The following RYR2 variants were observed in gnomAD, a reference collection of about 807,000 sequenced individuals.
The protein encoded by RYR2 is cardiac muscle ryanodine receptor-calcium release channel.
In RYR2, 227 loss-of-function variants were observed where a neutral mutation model predicts 601.1. That is an observed-to-expected ratio of 0.38 (90% CI 0.34 to 0.42). RYR2 has a LOEUF of 0.42. Among genes scored for constraint, RYR2 ranks in the 10% least tolerant of loss-of-function variants. RYR2 has a pLI of 1.00. For missense variants in RYR2, 4,646 were observed against 6,156.5 expected (o/e 0.75, Z 8.21); for synonymous variants, 2,223 against 2,175.1 (o/e 1.02, Z -0.61).
intron 58 of RYR2, among the ~76,000 whole-genome samples, chr1:237,670,987 A>T (rs1307641358): frequency 6.6e-6 from 1 of 152,182 alleles, no homozygotes; most frequent in South Asian, 2.1e-4. Flanking sequence ...AGCCAGATCG[A>T]TATTTTCTTT....
chr1:237,062,615 T>C (rs1483669505), intron 1 of RYR2, among the ~76,000 whole-genome samples: 3 of 152,220 alleles, frequency 2.0e-5, no homozygotes, highest in Non-Finnish European at 2.9e-5. Context: ...TAATAGTTTA[T>C]AGATTCTTTT....
At position 237,718,528 on chromosome 1, in the gene RYR2, C is replaced by T. The variant is rs375143208; in HGVS notation, c.10554+7C>T. On this transcript the variant is annotated splice_region_variant and intron_variant, in intron 73 of 104. Coordinates refer to ENST00000366574, the MANE Select transcript of RYR2 (RefSeq NM_001035.3). ...TATTCATTTACAAGGCAAGGTAAGC[C>T]AAATTTTATTCTTAAGCCACATTTA... The T allele has an allele frequency of 1.9e-6, 3 of 1,551,592 alleles. No individual in the cohort carries two copies. The highest frequency in any genetic ancestry group is 1.8e-6 in the Non-Finnish European group (2 of 1,124,694).
At chr1:237,795,836 GTATA>G (rs1553329286) in intron 96 of RYR2, among the ~76,000 whole-genome samples, 9 of 132,670 alleles carry the variant, frequency 6.8e-5, no homozygotes, top group African/African-American at 2.6e-4. Context: ...GTGTGTGTGT[GTATA>G]TATATATATG....
intron 1 of RYR2, among the ~76,000 whole-genome samples, chr1:237,184,877 GTT>G (rs397974914): frequency 7.0e-6 from 1 of 142,520 alleles, no homozygotes; most frequent in Non-Finnish European, 1.5e-5. Context: ...TGTGAAGAGG[GTT>G]TTTTTTTTTT....
chr1:237,282,210 A>G (rs1048896730), intron 2 of RYR2, among the ~76,000 whole-genome samples: 1 of 150,918 alleles, frequency 6.6e-6, no homozygotes, highest in Non-Finnish European at 1.5e-5. Flanking sequence ...TTCTGTATAG[A>G]GCCAGATGGG....
intron 48 of RYR2, among the ~76,000 whole-genome samples, chr1:237,647,478 A>G (rs910161142): frequency 2.6e-5 from 4 of 152,250 alleles, no homozygotes; most frequent in African/African-American, 9.6e-5. Context: ...GAATACTACC[A>G]GGCATTATCC....
chr1:237,368,781 C>G (rs1700399467), intron 5 of RYR2, among the ~76,000 whole-genome samples: 1 of 151,632 alleles, frequency 6.6e-6, no homozygotes, highest in Non-Finnish European at 1.5e-5. Flanking sequence ...TCTAGGAATA[C>G]TCATTCGTTG....
At chr1:237,743,073 TG>T (rs1336402036) in intron 80 of RYR2, among the ~76,000 whole-genome samples, 6 of 152,234 alleles carry the variant, frequency 3.9e-5, no homozygotes, top group African/African-American at 9.6e-5. Context: ...TGTTTTGTTT[TG>T]TTTTTTTAGA....
chr1:237,459,431 A>G (rs993422357), intron 16 of RYR2, among the ~76,000 whole-genome samples: 1 of 152,202 alleles, frequency 6.6e-6, no homozygotes, highest in Admixed American at 6.5e-5. Context: ...GAAGAATTTC[A>G]TGTATGAATG....
At chr1:237,687,401 TTCTACCTTCCCTTCCCCC>T in intron 62 of RYR2, 36 bp from the exon 63 acceptor site, 2 of 962,852 alleles carry the variant, frequency 2.1e-6, no homozygotes, top group East Asian at 2.6e-5. Context: ...CCCCTGTCTT[TTCTACCTTCCCTTCCCCC>T]TTCCCTTTTC....
At chr1:237,200,402 T>C (rs1297079033) in intron 1 of RYR2, among the ~76,000 whole-genome samples, 3 of 151,990 alleles carry the variant, frequency 2.0e-5, no homozygotes, top group Admixed American at 2.0e-4. Context: ...GTAGCTGGGA[T>C]TACAGGCGCC....
intron 23 of RYR2, among the ~76,000 whole-genome samples, 181 bp downstream of exon 23, chr1:237,506,995 A>G (rs563648426): frequency 1.3e-5 from 2 of 152,314 alleles, no homozygotes; most frequent in Non-Finnish European, 2.9e-5. Flanking sequence ...AATGGGGCTG[A>G]CAGGCATTAT....
intron 62 of RYR2, among the ~76,000 whole-genome samples, chr1:237,686,684 C>A (rs749754233): frequency 2.0e-5 from 3 of 152,070 alleles, no homozygotes; most frequent in Admixed American, 6.5e-5. Context: ...TGGATACCAG[C>A]GTTGTCAGGC....
chr1:237,291,600 A>AC, intron 2 of RYR2, among the ~76,000 whole-genome samples: 1 of 152,308 alleles, frequency 6.6e-6, no homozygotes, highest in East Asian at 1.9e-4. Flanking sequence ...TTATTCAGTG[A>AC]TAAAAAGAAA....
At chr1:237,760,208 T>G in intron 83 of RYR2, among the ~76,000 whole-genome samples, 1 of 148,442 alleles carries the variant, frequency 6.7e-6, no homozygotes. Context: ...AAAAAAAAGC[T>G]AGGCATGGTG....
chr1:237,232,463 T>C (rs1291673053), intron 1 of RYR2, among the ~76,000 whole-genome samples: 1 of 152,210 alleles, frequency 6.6e-6, no homozygotes, highest in Non-Finnish European at 1.5e-5. Context: ...TGGTACCTCC[T>C]TGTACCTTCC....
intron 80 of RYR2, among the ~76,000 whole-genome samples, chr1:237,743,059 T>G (rs894294457): frequency 6.6e-6 from 1 of 152,188 alleles, no homozygotes; most frequent in Admixed American, 6.5e-5. Context: ...ATTGGCTCTT[T>G]TTTTGTTTTG....
chr1:237,757,882 C>T (rs1693089036), intron 82 of RYR2, 106 bp downstream of exon 82: 2 of 699,696 alleles, frequency 2.9e-6, no homozygotes. Context: ...CAATATGGCT[C>T]AATTTTAGTT....
chr1:237,196,060 G>A (rs1338049763), intron 1 of RYR2, among the ~76,000 whole-genome samples: 1 of 152,196 alleles, frequency 6.6e-6, no homozygotes, highest in Non-Finnish European at 1.5e-5. Context: ...GGACATCGTA[G>A]CAGTGCTTTG....
Sources: allele counts gnomAD v4.1 joint callset (sites outside exome capture counted in the v4.1 genomes callset), GRCh38; gene constraint gnomAD v4.1.1; transcripts MANE v1.5; gene names NCBI Gene and HGNC (gene_info 2026-07-23, HGNC 2026-07-21).